Variants in MCC observed in about 807,000 individuals in gnomAD.
MCC encodes the protein colorectal mutant cancer protein.
MCC carries 90 observed loss-of-function variants against 116.2 expected under a neutral mutation model. The observed-to-expected ratio is 0.77, with a 90% CI of 0.65 to 0.92. MCC has a LOEUF of 0.92. MCC is among the 40% of genes least tolerant of loss of function. The pLI, the probability that MCC is intolerant of heterozygous loss-of-function variation, is 0.00. For missense variants in MCC, 1,516 were observed against 1,312.2 expected, an observed-to-expected ratio of 1.16 and a Z score of -2.40; for synonymous variants, 578 against 510.5, an observed-to-expected ratio of 1.13 and a Z score of -1.78.
chr5:113,273,043 T>C (rs1263515345), intron 3 of MCC, among the ~76,000 whole-genome samples: 1 of 152,246 alleles, frequency 6.6e-6, no homozygotes, highest in Non-Finnish European at 1.5e-5. Context: ...TATTTCACTA[T>C]TGTGAAAACA....
At chr5:113,235,381 C>T (rs1734251) in intron 3 of MCC, among the ~76,000 whole-genome samples, 4 of 152,308 alleles carry the variant, frequency 2.6e-5, no homozygotes, top group Admixed American at 2.6e-4. Flanking sequence ...CCAAAGGAAT[C>T]TCCAAATAAT....
chr5:113,051,439 C>A (rs1270961018), intron 15 of MCC, among the ~76,000 whole-genome samples: 4 of 152,174 alleles, frequency 2.6e-5, no homozygotes, highest in Non-Finnish European at 5.9e-5. Context: ...GAAGAGAAGG[C>A]CAGGCCTGGT....
chr5:113,173,109 T>C (rs897751314), intron 3 of MCC, among the ~76,000 whole-genome samples: 1 of 152,194 alleles, frequency 6.6e-6, no homozygotes, highest in African/African-American at 2.4e-5. Context: ...GTCTTTTAAT[T>C]TATATAGCAT....
At chr5:113,424,132 TACACACACACACACACACACAC>T (rs547192248) in intron 1 of MCC, among the ~76,000 whole-genome samples, 34 of 112,704 alleles carry the variant, frequency 3.0e-4, no homozygotes, top group African/African-American at 9.6e-4. Flanking sequence ...AGTCATCCTC[TACACACACACACACACACACAC>T]ACACACACAC....
intron 3 of MCC, among the ~76,000 whole-genome samples, chr5:113,296,458 CTT>C (rs2150363322): frequency 6.6e-6 from 1 of 152,210 alleles, no homozygotes; most frequent in South Asian, 2.1e-4. Context: ...GTGAAGGAAT[CTT>C]AGAAGAGGCA....
chr5:113,273,430 C>A (rs1765687553), intron 3 of MCC, among the ~76,000 whole-genome samples: 1 of 152,128 alleles, frequency 6.6e-6, no homozygotes, highest in South Asian at 2.1e-4. Context: ...CTGAGTTATG[C>A]CTACAACATT....
chr5:113,462,360 C>T (rs1771766274), intron 1 of MCC, among the ~76,000 whole-genome samples: 1 of 152,178 alleles, frequency 6.6e-6, no homozygotes, highest in African/African-American at 2.4e-5. Context: ...GTTCCCAGGG[C>T]AGCATTCAAC....
At chr5:113,241,031 A>G (rs1172164971) in intron 3 of MCC, among the ~76,000 whole-genome samples, 1 of 152,204 alleles carries the variant, frequency 6.6e-6, no homozygotes, top group Non-Finnish European at 1.5e-5. Context: ...TGTCCTATAA[A>G]TTAGTTGAAT....
chr5:113,077,596 C>T, intron 11 of MCC, among the ~76,000 whole-genome samples: 1 of 152,178 alleles, frequency 6.6e-6, no homozygotes, highest in East Asian at 1.9e-4. Flanking sequence ...TAAAGATGTT[C>T]TTTGAAACCA....
chr5:113,208,789 T>G (rs1763008938), intron 3 of MCC, among the ~76,000 whole-genome samples: 1 of 152,146 alleles, frequency 6.6e-6, no homozygotes, highest in African/African-American at 2.4e-5. Context: ...CCTGAGGAAT[T>G]ACAGTTCCTC....
intron 2 of MCC, among the ~76,000 whole-genome samples, chr5:113,351,836 A>C (rs1768276144): frequency 6.6e-6 from 1 of 152,148 alleles, no homozygotes; most frequent in East Asian, 1.9e-4. Flanking sequence ...ATGTACCCAC[A>C]ATATTTTTTA....
At chr5:113,037,246 A>G (rs1027854427) in intron 17 of MCC, among the ~76,000 whole-genome samples, 1 of 152,106 alleles carries the variant, frequency 6.6e-6, no homozygotes, top group Non-Finnish European at 1.5e-5. Context: ...TTTTCCATTC[A>G]GGGACAAATG....
intron 3 of MCC, among the ~76,000 whole-genome samples, chr5:113,212,415 A>G (rs1763166654): frequency 6.6e-6 from 1 of 152,134 alleles, no homozygotes. Context: ...GGCCACAGAG[A>G]GGGCTTCATA....
intron 1 of MCC, among the ~76,000 whole-genome samples, chr5:113,389,534 G>C (rs1003959208): frequency 6.6e-6 from 1 of 152,132 alleles, no homozygotes; most frequent in African/African-American, 2.4e-5. Context: ...TTTAGTACCT[G>C]CACCAGTCAT....
intron 16 of MCC, among the ~76,000 whole-genome samples, chr5:113,048,148 C>G (rs1164629241): frequency 6.6e-6 from 1 of 152,196 alleles, no homozygotes; most frequent in East Asian, 1.9e-4. Context: ...GATAACTATT[C>G]TTTCCTCAGA....
At chr5:113,077,787 G>C (rs942919600) in intron 11 of MCC, among the ~76,000 whole-genome samples, 2 of 151,948 alleles carry the variant, frequency 1.3e-5, no homozygotes, top group African/African-American at 4.8e-5. Context: ...GCTAGCAGAA[G>C]GCAAGAAAAA....
At chr5:113,446,903 T>C (rs562074473) in intron 1 of MCC, among the ~76,000 whole-genome samples, 2 of 152,270 alleles carry the variant, frequency 1.3e-5, no homozygotes, top group African/African-American at 4.8e-5. Flanking sequence ...TATCACACAA[T>C]ATACCCAGGT....
At chr5:113,148,351 A>T (rs575459505) in intron 4 of MCC, among the ~76,000 whole-genome samples, 54 of 140,356 alleles carry the variant, frequency 3.8e-4, no homozygotes, top group African/African-American at 1.1e-3. Context: ...CCTTCATATC[A>T]CTATTTTCAA....
intron 3 of MCC, among the ~76,000 whole-genome samples, chr5:113,263,859 A>C (rs542000918): frequency 2.6e-5 from 4 of 152,156 alleles, no homozygotes; most frequent in Non-Finnish European, 5.9e-5. Flanking sequence ...TGGCAATAGC[A>C]AAATAACTGA....
Sources: allele counts gnomAD v4.1 joint callset (sites outside exome capture counted in the v4.1 genomes callset), GRCh38; gene constraint gnomAD v4.1.1; transcripts MANE v1.5; gene names NCBI Gene and HGNC (gene_info 2026-07-23, HGNC 2026-07-21).